Variants in KATNIP observed in about 807,000 individuals in gnomAD.
The protein encoded by KATNIP is katanin-interacting protein.
Under a neutral mutation model 174.0 loss-of-function variants are expected in KATNIP, and 126 were observed. The observed-to-expected ratio is 0.72, with a 90% CI of 0.63 to 0.84. The LOEUF (loss-of-function observed/expected upper bound fraction) is 0.84. KATNIP is among the 40% of genes least tolerant of loss of function. The probability of loss-of-function intolerance (pLI) is 0.00; values close to 1 mark genes in which losing one functional copy is unlikely to be tolerated. For synonymous variants in KATNIP, 810 were observed against 835.7 expected (o/e 0.97, Z 0.53); for missense variants, 1,958 against 2,109.7 (o/e 0.93, Z 1.41).
chr16:27,651,197 T>A (rs1482555139), intron 6 of KATNIP, among the ~76,000 whole-genome samples: 1 of 152,242 alleles, frequency 6.6e-6, no homozygotes, highest in Non-Finnish European at 1.5e-5. Context: ...AGCATCCTTT[T>A]GTGCACATAC....
At chr16:27,558,585 C>A (rs1373689326) in intron 1 of KATNIP, among the ~76,000 whole-genome samples, 1 of 152,174 alleles carries the variant, frequency 6.6e-6, no homozygotes, top group Non-Finnish European at 1.5e-5. Flanking sequence ...GAGGTCTTCC[C>A]CTTTCCCAAA....
chr16:27,773,203 G>T lies in KATNIP; in HGVS notation c.4303G>T (p.Glu1435Ter), dbSNP rs778617852. Residue 1435 changes from glutamate to a stop codon, truncating the protein, a stop_gained, in exon 23 of 28, where the codon GAA becomes TAA. Coordinates refer to ENST00000261588, the MANE Select transcript of KATNIP (RefSeq NM_015202.5). LOFTEE classifies it high-confidence loss of function. ...GCGAGGAGAAAAAATCCCCTTGTCG[G>T]AAAACAGTATCCTTTGTAGGACAGG... ...DERGEKIPLS[E>*]NNIAAFPDSV... The T allele has an allele frequency of 6.2e-6, 10 of 1,604,646 alleles. No homozygotes were observed. The highest frequency in any genetic ancestry group is 5.0e-5 in the Admixed American group (3 of 59,456).
chr16:27,553,183 C>A (rs552296497), intron 1 of KATNIP, among the ~76,000 whole-genome samples: 15 of 152,318 alleles, frequency 9.8e-5, no homozygotes, highest in African/African-American at 3.6e-4. Flanking sequence ...TTATGCAAAT[C>A]TAAACGTTGA....
At chr16:27,690,891 G>A (rs2078707475) in intron 8 of KATNIP, among the ~76,000 whole-genome samples, 1 of 152,194 alleles carries the variant, frequency 6.6e-6, no homozygotes, top group Non-Finnish European at 1.5e-5. Context: ...AGGGTTGCCA[G>A]ATGGTATTAC....
chr16:27,715,680 A>C (rs1055590084), intron 13 of KATNIP, among the ~76,000 whole-genome samples: 4 of 152,242 alleles, frequency 2.6e-5, no homozygotes, highest in African/African-American at 9.6e-5. Flanking sequence ...TAATGAGCAC[A>C]TTAAAGATAC....
intron 1 of KATNIP, among the ~76,000 whole-genome samples, chr16:27,572,702 A>AC (rs1368457457): frequency 6.6e-6 from 1 of 152,230 alleles, no homozygotes; most frequent in Non-Finnish European, 1.5e-5. Context: ...CACTGGGTGG[A>AC]CAGAGGGGAG....
rs752898902 is a variant in KATNIP, at chr16:27,778,653, C to G, written c.*24C>G. 3.1e-6 allele frequency: 5 copies of G among 1,610,502 alleles called. No homozygotes were observed. In the East Asian group the frequency reaches 1.1e-4, roughly 36 times the overall value. ...GACTGGTGAAGGAGGGAGAGCTGGT[C>G]CTCCCACTATGGTGGGCTCCGTCAG... On this transcript the variant is annotated 3_prime_UTR_variant, in exon 28 of 28. Transcript: ENST00000261588.
Position 27,777,835 on chromosome 16 carries a change from A to G in KATNIP, c.4713-46A>G. The stretch of plus-strand genomic sequence containing the variant: ...TAAGGAGGATGGATGGCTGGGACAC[A>G]CGGCCAGGAGCCTGATCGAATCTTG... On this transcript the variant is annotated intron_variant, in intron 26 of 27. Coordinates refer to ENST00000261588, the MANE Select transcript of KATNIP (RefSeq NM_015202.5). The surrounding 1 kb of genome is among the most constrained non-coding windows in gnomAD (Gnocchi z 4.4). The G allele has an allele frequency of 5.0e-6, 8 of 1,612,694 alleles. No individual in the cohort carries two copies. The highest frequency in any genetic ancestry group is 6.8e-6 in the Non-Finnish European group (8 of 1,178,718).
At chr16:27,762,262 A>G (rs2081981198) in intron 19 of KATNIP, among the ~76,000 whole-genome samples, 1 of 152,180 alleles carries the variant, frequency 6.6e-6, no homozygotes, top group Non-Finnish European at 1.5e-5. Context: ...GCCCCATGCC[A>G]ACTATTAGGT....
At chr16:27,684,914 A>G (rs1399334584) in intron 8 of KATNIP, among the ~76,000 whole-genome samples, 1 of 152,224 alleles carries the variant, frequency 6.6e-6, no homozygotes, top group Admixed American at 6.5e-5. Flanking sequence ...AGTCACAGGT[A>G]CTAGGGGTTA....
chr16:27,578,015 T>G (rs1359845075), intron 2 of KATNIP, among the ~76,000 whole-genome samples: 1 of 152,218 alleles, frequency 6.6e-6, no homozygotes, highest in African/African-American at 2.4e-5. Context: ...TCATTCATAC[T>G]TATATAACTA....
At chr16:27,703,814 G>A (rs966216502) in intron 11 of KATNIP, 82 bp from the exon 12 acceptor site, 53 of 1,030,438 alleles carry the variant, frequency 5.1e-5, no homozygotes, top group Middle Eastern at 2.0e-4. Flanking sequence ...TCCTATCCCC[G>A]AGTGCAGCAC....
At chr16:27,693,158 A>G (rs952067025) in intron 8 of KATNIP, among the ~76,000 whole-genome samples, 2 of 152,152 alleles carry the variant, frequency 1.3e-5, no homozygotes, top group African/African-American at 4.8e-5. Context: ...AGCTTGCTAA[A>G]CAGAGTTTCT....
Position 27,776,784 on chromosome 16 carries a change from G to A in KATNIP, c.4450-144G>A, listed in dbSNP as rs952163069. 3.2e-5 allele frequency: 21 copies of A among 647,536 alleles called. No homozygotes were observed. Among genetic ancestry groups the A allele is most frequent in the Non-Finnish European group, 5.6e-5 (20 of 357,872 alleles). The allele number at this position is 647,536 out of a possible 1,614,324, so 40.1% of individuals were successfully genotyped here. ...CAAGATGGGCTTCGAGGAGATGAAA[G>A]GGGGCGGAACTCCAGGCTGGCCCAC... On this transcript the variant is annotated intron_variant, in intron 24 of 27. Coordinates refer to ENST00000261588, the MANE Select transcript of KATNIP (RefSeq NM_015202.5). This position sits in a 1 kb window ranked among gnomAD's most constrained non-coding sequence, Gnocchi z 4.7.
chr16:27,771,710 C>T (rs778744446), intron 22 of KATNIP, 58 bp downstream of exon 22: 14 of 1,553,922 alleles, frequency 9.0e-6, no homozygotes, highest in Admixed American at 8.5e-5. Context: ...GCGCCTGGGC[C>T]GCAACTGCCC....
At chr16:27,581,405 AT>A (rs540767875) in intron 2 of KATNIP, among the ~76,000 whole-genome samples, 31 of 151,822 alleles carry the variant, frequency 2.0e-4, no homozygotes, top group Admixed American at 1.4e-3. Flanking sequence ...GGATAGAGCT[AT>A]TTTTTTTCCC....
chr16:27,697,523 A>G (rs1206518598), intron 8 of KATNIP, among the ~76,000 whole-genome samples: 2 of 151,732 alleles, frequency 1.3e-5, no homozygotes, highest in African/African-American at 4.8e-5. Flanking sequence ...CCACATACCC[A>G]GATTCACCAG....
intron 4 of KATNIP, 114 bp from the exon 5 acceptor site, chr16:27,630,951 C>A: frequency 1.3e-6 from 1 of 768,050 alleles, no homozygotes; most frequent in Non-Finnish European, 2.2e-6. Flanking sequence ...TGTCCTCATA[C>A]ACAAGACTTT....
chr16:27,737,114 A>G (rs964530162), intron 14 of KATNIP, among the ~76,000 whole-genome samples: 3 of 152,172 alleles, frequency 2.0e-5, no homozygotes, highest in African/African-American at 7.2e-5. Context: ...ACATTGACTC[A>G]CACCTGTAAT....
Sources: allele counts gnomAD v4.1 joint callset (sites outside exome capture counted in the v4.1 genomes callset), GRCh38; gene constraint gnomAD v4.1.1; non-coding constraint Gnocchi (gnomAD v3.1); transcripts MANE v1.5; gene names NCBI Gene and HGNC (gene_info 2026-07-23, HGNC 2026-07-21).